Variants in ITGA2 observed in about 807,000 individuals in gnomAD.
ITGA2 encodes the protein integrin alpha-2.
Under a neutral mutation model 146.3 loss-of-function variants are expected in ITGA2, and 101 were observed. That is an observed-to-expected ratio of 0.69 (90% CI 0.59 to 0.81). The LOEUF (loss-of-function observed/expected upper bound fraction) is 0.81, where lower values mean the gene tolerates loss of function less well. Among genes scored for constraint, ITGA2 ranks in the 40% least tolerant of loss-of-function variants. The pLI is 0.00. For synonymous variants in ITGA2, 477 were observed against 487.1 expected (o/e 0.98, Z 0.27); for missense variants, 1,281 against 1,402.7 (o/e 0.91, Z 1.39).
chr5:53,084,953 TG>T (rs1419071131), intron 27 of ITGA2, among the ~76,000 whole-genome samples: 1 of 152,166 alleles, frequency 6.6e-6, no homozygotes, highest in Non-Finnish European at 1.5e-5. Context: ...TCCTAGAAAG[TG>T]TAGTATTTAT....
chr5:53,070,498 T>C (rs1401733636), intron 17 of ITGA2, among the ~76,000 whole-genome samples: 1 of 151,958 alleles, frequency 6.6e-6, no homozygotes, highest in Non-Finnish European at 1.5e-5. Flanking sequence ...GGGCTAAAAA[T>C]ACAATTCTTA....
chr5:53,070,161 C>T lies in ITGA2; in HGVS notation c.2136C>T (p.Thr712=), dbSNP rs201578650. Residue 712 remains threonine, a synonymous_variant, in exon 17 of 30, where the codon ACC becomes ACT. Transcript: ENST00000296585. ...LDADGFSSRV[T]SRGLFKENNE... ...CAGATGGATTTTCATCCAGAGTAAC[C>T]TCCAGGGGGTTATTTAAAGAAAACA... The T allele has an allele frequency of 1.2e-6, 2 of 1,611,708 alleles. No homozygotes were observed. Among genetic ancestry groups the T allele is most frequent in the Admixed American group, 1.7e-5 (1 of 59,808 alleles).
intron 7 of ITGA2, among the ~76,000 whole-genome samples, chr5:53,054,320 A>C (rs1195269981): frequency 1.3e-5 from 2 of 152,142 alleles, no homozygotes; most frequent in African/African-American, 4.8e-5. Flanking sequence ...ACATCATGTA[A>C]TATCTTATAA....
chr5:53,042,324 T>G, intron 3 of ITGA2, 103 bp downstream of exon 3: 1 of 825,920 alleles, frequency 1.2e-6, no homozygotes, highest in Non-Finnish European at 2.1e-6. Context: ...ACAGACAGCT[T>G]TTTTTTGCCC....
At chr5:53,050,168 A>G (rs1270471491) in intron 6 of ITGA2, among the ~76,000 whole-genome samples, 1 of 152,138 alleles carries the variant, frequency 6.6e-6, no homozygotes, top group Non-Finnish European at 1.5e-5. Flanking sequence ...GACTAATTTT[A>G]TTTAAGTCTC....
chr5:53,065,146 T>C (rs753296655), intron 14 of ITGA2, 31 bp downstream of exon 14: 1 of 1,594,514 alleles, frequency 6.3e-7, no homozygotes, highest in Non-Finnish European at 8.6e-7. Flanking sequence ...GTGATGTATG[T>C]ATTTGTGGGT....
intron 1 of ITGA2, among the ~76,000 whole-genome samples, chr5:53,020,081 A>T (rs1420518466): frequency 6.6e-6 from 1 of 152,220 alleles, no homozygotes; most frequent in Non-Finnish European, 1.5e-5. Context: ...CCTGAGGATA[A>T]GAGAGAATTA....
At chr5:53,010,450 A>T (rs1399001960) in intron 1 of ITGA2, among the ~76,000 whole-genome samples, 1 of 152,154 alleles carries the variant, frequency 6.6e-6, no homozygotes, top group East Asian at 1.9e-4. Flanking sequence ...GCCTTTTGAA[A>T]TGGGAGTGTC....
At chr5:53,021,944 C>T (rs1349288011) in intron 1 of ITGA2, among the ~76,000 whole-genome samples, 1 of 152,016 alleles carries the variant, frequency 6.6e-6, no homozygotes, top group Non-Finnish European at 1.5e-5. Context: ...CAAATGAGTC[C>T]CTTCTATGAA....
intron 17 of ITGA2, 80 bp downstream of exon 17, chr5:53,070,340 AT>A: frequency 7.0e-7 from 1 of 1,420,430 alleles, no homozygotes; most frequent in East Asian, 2.3e-5. Context: ...ATGGAAGCTT[AT>A]GAGTTAGAAA....
At chr5:53,063,034 G>A (rs1362686627) in intron 13 of ITGA2, 105 bp downstream of exon 13, 1 of 924,000 alleles carries the variant, frequency 1.1e-6, no homozygotes, top group Non-Finnish European at 1.7e-6. Context: ...AATTTGCACA[G>A]ATAGTATGGT....
intron 1 of ITGA2, among the ~76,000 whole-genome samples, chr5:53,011,745 G>A (rs1277713745): frequency 6.6e-6 from 1 of 151,032 alleles, no homozygotes; most frequent in African/African-American, 2.4e-5. Flanking sequence ...GTGGGGGGGA[G>A]TGAGGGGAGT....
At chr5:53,058,604 A>G (rs1480695077) in intron 10 of ITGA2, among the ~76,000 whole-genome samples, 1 of 151,788 alleles carries the variant, frequency 6.6e-6, no homozygotes, top group Non-Finnish European at 1.5e-5. Flanking sequence ...GTCTATTTCT[A>G]TCTCTCAGAA....
intron 7 of ITGA2, among the ~76,000 whole-genome samples, chr5:53,053,975 A>G (rs975903850): frequency 6.6e-6 from 1 of 152,178 alleles, no homozygotes; most frequent in Admixed American, 6.6e-5. Flanking sequence ...TTTACAGTGT[A>G]TCATAAAGAG....
At chr5:53,063,035 A>G (rs959116809) in intron 13 of ITGA2, 106 bp downstream of exon 13, 3 of 919,202 alleles carry the variant, frequency 3.3e-6, no homozygotes, top group South Asian at 3.0e-5. Flanking sequence ...ATTTGCACAG[A>G]TAGTATGGTT....
At chr5:53,037,046 AT>A (rs1282630306) in intron 2 of ITGA2, among the ~76,000 whole-genome samples, 1 of 152,220 alleles carries the variant, frequency 6.6e-6, no homozygotes, top group Non-Finnish European at 1.5e-5. Flanking sequence ...CACTTGGAGA[AT>A]TTACAGACTC....
chr5:53,040,641 G>GA (rs146365931), intron 2 of ITGA2, among the ~76,000 whole-genome samples: 3,022 of 152,174 alleles, frequency 0.02, 129 homozygotes, highest in African/African-American at 0.069. Flanking sequence ...CTCATAAGAA[G>GA]AAAAAATCTT....
At chr5:53,052,001 T>G (rs1260250938) in intron 7 of ITGA2, among the ~76,000 whole-genome samples, 1 of 152,168 alleles carries the variant, frequency 6.6e-6, no homozygotes, top group South Asian at 2.1e-4. Context: ...GTGGGAAATG[T>G]GAAATTATAA....
Position 53,048,477 on chromosome 5 carries a change from C to G in ITGA2, c.502C>G (p.Pro168Ala). Residue 168 changes from proline (P) to alanine (A), a missense_variant and splice_region_variant, in exon 5 of 30, where the codon CCC becomes GCC. Coordinates refer to ENST00000296585, the MANE Select transcript of ITGA2 (RefSeq NM_002203.4). Reference sequence around the variant, plus strand: ...AGCCAGCTTCTCACCTGCAACTCAGCGTAAGTTATTAATGTGCAGATGGTC... The same window carrying G: ...AGCCAGCTTCTCACCTGCAACTCAGGGTAAGTTATTAATGTGCAGATGGTC... ...LSASFSPATQ[P>A]CPSLIDVVVV... The G allele has an allele frequency of 6.2e-7, 1 of 1,613,454 alleles. No homozygotes were observed. The highest frequency in any genetic ancestry group is 1.3e-5 in the African/African-American group (1 of 75,008).
Sources: allele counts gnomAD v4.1 joint callset (sites outside exome capture counted in the v4.1 genomes callset), GRCh38; gene constraint gnomAD v4.1.1; transcripts MANE v1.5; gene names NCBI Gene and HGNC (gene_info 2026-07-23, HGNC 2026-07-21).